LGI2: variants seen among roughly 807,000 people sequenced by gnomAD.
LGI2 encodes the protein leucine-rich repeat LGI family member 2.
In LGI2, 30 loss-of-function variants were observed where a neutral mutation model predicts 52.0. The observed-to-expected ratio is 0.58, with a 90% CI of 0.43 to 0.78. The LOEUF (loss-of-function observed/expected upper bound fraction) is 0.78. Ranked by LOEUF, LGI2 falls within the 30% of genes least tolerant of loss-of-function variation. The pLI is 0.00. For missense variants in LGI2, 573 were observed against 692.5 expected, an observed-to-expected ratio of 0.83 and a Z score of 1.94; for synonymous variants, 270 against 271.8, an observed-to-expected ratio of 0.99 and a Z score of 0.06.
At chr4:25,027,938 T>C (rs1726200041) in intron 2 of LGI2, among the ~76,000 whole-genome samples, 1 of 152,242 alleles carries the variant, frequency 6.6e-6, no homozygotes, top group South Asian at 2.1e-4. Flanking sequence ...GTGTGGGCTT[T>C]TGGCCCTGGA....
intron 1 of LGI2, 146 bp from the exon 2 acceptor site, chr4:25,028,724 G>T (rs545973738): frequency 1.5e-6 from 1 of 670,046 alleles, no homozygotes. Flanking sequence ...GATCTTCCCC[G>T]GGGTAGGAAT....
chr4:25,019,143 C>G (rs370161225), intron 5 of LGI2, 24 bp downstream of exon 5: 2 of 1,439,928 alleles, frequency 1.4e-6, no homozygotes, highest in African/African-American at 2.8e-5. Context: ...GACAAACACA[C>G]ATAAACTAAA....
At position 25,003,779 on chromosome 4, in the gene LGI2, G is replaced by A. The variant is rs761346136; in HGVS notation, c.1310C>T (p.Thr437Ile). 4 of 1,614,082 alleles carry A rather than the reference G, an allele frequency of 2.5e-6. No homozygotes were observed. Among genetic ancestry groups the A allele is most frequent in the South Asian group, 1.1e-5 (1 of 91,086 alleles). The change falls in exon 8 of 8, where the codon ACC (threonine) becomes ATC (isoleucine). Residue 437 changes from threonine (T) to isoleucine (I), a missense_variant. Physicochemically the swap from Thr to Ile is moderately conservative, Grantham distance 89. Coordinates refer to ENST00000382114, the MANE Select transcript of LGI2 (RefSeq NM_018176.4). ...GACCCGGGAGTCCCCGATGAAGCGGGTAAGGGAAAGGTAGAGGGTATTTTG... is the reference window on the plus strand; with the variant it reads ...GACCCGGGAGTCCCCGATGAAGCGGATAAGGGAAAGGTAGAGGGTATTTTG... Reference protein sequence around the residue: ...RMQNTLYLSLTRFIGDSRVMR... With the variant: ...RMQNTLYLSLIRFIGDSRVMR...
chr4:25,003,839 A>G lies in LGI2; in HGVS notation c.1250T>C (p.Met417Thr), dbSNP rs749040389. The change falls in exon 8 of 8, where the codon ATG becomes ACG. Residue 417 changes from methionine (M) to threonine (T), a missense_variant. Coordinates refer to ENST00000382114, the MANE Select transcript of LGI2 (RefSeq NM_018176.4). ...GCTCTTCACAGCCAGTACGTCCTCC[A>G]TGTTGGGGATGTCACCATGGGGGAC... ...KFVPHGDIPNMEDVLAVKSFR... is the reference protein window; with the variant it reads ...KFVPHGDIPNTEDVLAVKSFR... 32 of 1,614,022 alleles carry G rather than the reference A, an allele frequency of 2.0e-5. No homozygotes were observed. The highest frequency in any genetic ancestry group is 2.5e-5 in the Non-Finnish European group (30 of 1,180,024).
At chr4:25,018,305 A>ATATC in intron 5 of LGI2, 147 bp from the exon 6 acceptor site, 1 of 583,090 alleles carries the variant, frequency 1.7e-6, no homozygotes, top group Non-Finnish European at 2.9e-6. Flanking sequence ...TTTATAATTA[A>ATATC]TATCTCCTGT....
At chr4:25,008,553 CAAAAA>C (rs33920247) in intron 7 of LGI2, among the ~76,000 whole-genome samples, 2 of 86,006 alleles carry the variant, frequency 2.3e-5, no homozygotes, top group African/African-American at 4.5e-5. Flanking sequence ...GACTCTGTCT[CAAAAA>C]AAAAAAAAAA....
At chr4:25,023,266 G>C (rs1429141815) in intron 4 of LGI2, among the ~76,000 whole-genome samples, 1 of 152,128 alleles carries the variant, frequency 6.6e-6, no homozygotes, top group Non-Finnish European at 1.5e-5. Context: ...ATGGCCTTGA[G>C]ATTTAAACCC....
rs1181548374 is a variant in LGI2, at chr4:25,004,101, C to T, written c.988G>A (p.Glu330Lys). Reference sequence around the variant, plus strand: ...GTCTCGTCGTCGATCTGAAACAGCTCGATGTCATTGGGCTTGGAAATGCGA... The same window carrying T: ...GTCTCGTCGTCGATCTGAAACAGCTTGATGTCATTGGGCTTGGAAATGCGA... Reference protein sequence around the residue: ...VSRISKPNDIELFQIDDETFF... With the variant: ...VSRISKPNDIKLFQIDDETFF... The change falls in exon 8 of 8, where the codon GAG becomes AAG. Residue 330 changes from glutamate (E) to lysine (K), a missense_variant. Physicochemically the swap from Glu to Lys is moderately conservative, Grantham distance 56. Coordinates refer to ENST00000382114, the MANE Select transcript of LGI2 (RefSeq NM_018176.4). This position sits in a 1 kb window ranked among gnomAD's most constrained non-coding sequence, Gnocchi z 4.6. The T allele has an allele frequency of 5.6e-6, 9 of 1,613,984 alleles. No individual in the cohort carries two copies. The highest frequency in any genetic ancestry group is 1.7e-5 in the Admixed American group (1 of 60,006).
At chr4:25,022,380 G>A (rs1432900806) in intron 4 of LGI2, among the ~76,000 whole-genome samples, 2 of 152,184 alleles carry the variant, frequency 1.3e-5, no homozygotes, top group Non-Finnish European at 2.9e-5. Context: ...GGGTGGGGGA[G>A]CGCCGAAAGC....
intron 1 of LGI2, among the ~76,000 whole-genome samples, chr4:25,029,056 A>T (rs66867540): frequency 0.3 from 45,261 of 151,880 alleles, 7,311 homozygotes; most frequent in Middle Eastern, 0.46. Flanking sequence ...CTGGGGAAAA[A>T]CTCACAGACA....
chr4:25,021,247 A>G (rs1452165949), intron 4 of LGI2, among the ~76,000 whole-genome samples: 1 of 152,224 alleles, frequency 6.6e-6, no homozygotes, highest in Non-Finnish European at 1.5e-5. Context: ...TTTGTCTACA[A>G]ATCATGGCAC....
intron 4 of LGI2, among the ~76,000 whole-genome samples, chr4:25,021,268 T>G (rs924341476): frequency 3.9e-5 from 6 of 152,164 alleles, no homozygotes; most frequent in African/African-American, 1.4e-4. Flanking sequence ...TTACTTTATT[T>G]CTAAAACTAT....
intron 4 of LGI2, among the ~76,000 whole-genome samples, chr4:25,022,026 C>G (rs1725981356): frequency 6.6e-6 from 1 of 151,766 alleles, no homozygotes. Context: ...CATCCATTAG[C>G]AAATCAGGAA....
Position 25,028,567 on chromosome 4 carries a change from T to A in LGI2, c.209A>T (p.Asn70Ile). The change falls in exon 2 of 8, where the codon AAT becomes ATT. Residue 70 changes from asparagine (N) to isoleucine (I), a missense_variant. By Grantham distance (149) the Asn-to-Ile change is moderately radical (BLOSUM62 -3). Coordinates refer to ENST00000382114, the MANE Select transcript of LGI2 (RefSeq NM_018176.4). ...GTCCTTGATTTCTGAAAACGTCCCA[T>A]TTACCAGGCTCCTACGGGCAAAAGA... ...PGDISSLSLV[N>I]GTFSEIKDRM... 6.2e-7 allele frequency: 1 copy of A among 1,612,996 alleles called. No homozygotes were observed. The highest frequency in any genetic ancestry group is 8.5e-7 in the Non-Finnish European group (1 of 1,179,626).
In LGI2 at chr4:25,000,010, T is replaced by A. The variant is rs7690185; in HGVS notation, c.*3441A>T. 171,924 of 351,178 alleles carry A rather than the reference T, an allele frequency of 0.49. 43,289 individuals are homozygous for A. The highest frequency in any genetic ancestry group is 0.77 in the East Asian group (9,307 of 12,022). The allele number at this position is 351,178 out of a possible 1,614,324, so 21.8% of individuals were successfully genotyped here. ...CAGACCAGCTAGATATCCTCCTTAGTACAACAGAAAACTATCCAAAATTTC... is the reference window on the plus strand; with the variant it reads ...CAGACCAGCTAGATATCCTCCTTAGAACAACAGAAAACTATCCAAAATTTC... On this transcript the variant is annotated 3_prime_UTR_variant, in exon 8 of 8. Coordinates refer to ENST00000382114, the MANE Select transcript of LGI2 (RefSeq NM_018176.4).
intron 5 of LGI2, 56 bp downstream of exon 5, chr4:25,019,111 A>G (rs1420663257): frequency 1.9e-6 from 2 of 1,065,956 alleles, no homozygotes; most frequent in African/African-American, 3.1e-5. Flanking sequence ...GGATTGAAAG[A>G]CATGATTAAC....
chr4:24,997,238 T>C (rs1725106988), downstream of LGI2, among the ~76,000 whole-genome samples: 1 of 152,234 alleles, frequency 6.6e-6, no homozygotes, highest in Non-Finnish European at 1.5e-5. Context: ...ACATTACTTA[T>C]GCCTCCAATT....
intron 1 of LGI2, among the ~76,000 whole-genome samples, chr4:25,028,967 T>C (rs1003665378): frequency 2.6e-5 from 4 of 152,224 alleles, no homozygotes; most frequent in African/African-American, 9.6e-5. Context: ...TATGAAATGC[T>C]GGGGTAGGAT....
chr4:25,018,985 T>G (rs1725860970), intron 5 of LGI2, among the ~76,000 whole-genome samples, 182 bp downstream of exon 5: 1 of 152,136 alleles, frequency 6.6e-6, no homozygotes, highest in Non-Finnish European at 1.5e-5. Context: ...TGGTGCTAAG[T>G]ATAAAATGGC....
Sources: allele counts gnomAD v4.1 joint callset (sites outside exome capture counted in the v4.1 genomes callset), GRCh38; gene constraint gnomAD v4.1.1; non-coding constraint Gnocchi (gnomAD v3.1); transcripts MANE v1.5; gene names NCBI Gene and HGNC (gene_info 2026-07-23, HGNC 2026-07-21).